The following DLG2 variants were observed in gnomAD, a reference collection of about 807,000 sequenced individuals.
DLG2 encodes discs large MAGUK scaffold protein 2.
A neutral mutation model predicts 132.5 loss-of-function variants in DLG2; 45 were observed. The observed-to-expected ratio is 0.34, with a 90% CI of 0.27 to 0.44. DLG2 has a LOEUF of 0.44. DLG2 is among the 20% of genes least tolerant of loss of function. DLG2 has a pLI of 1.00. For missense variants in DLG2, 1,045 were observed against 1,196.9 expected, an observed-to-expected ratio of 0.87 and a Z score of 1.87; for synonymous variants, 424 against 419.6, an observed-to-expected ratio of 1.01 and a Z score of -0.13.
At chr11:84,079,425 A>G (rs1208838553) in intron 10 of DLG2, among the ~76,000 whole-genome samples, 3 of 152,046 alleles carry the variant, frequency 2.0e-5, no homozygotes, top group Non-Finnish European at 4.4e-5. Context: ...CTGGGATTAT[A>G]GGCACCTGCT....
chr11:84,675,965 G>T (rs1220610271), intron 6 of DLG2, among the ~76,000 whole-genome samples: 2 of 151,994 alleles, frequency 1.3e-5, no homozygotes, highest in Admixed American at 6.6e-5. Flanking sequence ...CCTTGAGTGG[G>T]TTTTTTCTCT....
chr11:84,105,215 T>C (rs535973055), intron 9 of DLG2, among the ~76,000 whole-genome samples: 43 of 152,308 alleles, frequency 2.8e-4, no homozygotes, highest in African/African-American at 9.9e-4. Flanking sequence ...AAAACATTTC[T>C]AATAAAGTGA....
At chr11:85,485,370 C>T (rs1423762098) in intron 3 of DLG2, among the ~76,000 whole-genome samples, 1 of 149,544 alleles carries the variant, frequency 6.7e-6, no homozygotes, top group Non-Finnish European at 1.5e-5. Context: ...AATAAATAAA[C>T]AAATAGAAAA....
rs562251062 is a variant in DLG2, at chr11:84,134,906, A to G, written c.624+28555T>C. Among the ~76,000 whole-genome samples the G allele has an allele frequency of 4.6e-5, 7 of 152,158 alleles. No individual in the cohort carries two copies. In the East Asian group the frequency reaches 1.4e-3, roughly 29 times the overall value. On this transcript the variant is annotated intron_variant, in intron 9 of 27. Transcript: ENST00000376104. ...AGTCATTACAGCACCCACCCAGACT[A>G]GCCAAGGGGTGAAGGGCAATGATCA...
intron 3 of DLG2, among the ~76,000 whole-genome samples, chr11:85,354,778 C>T (rs576428060): frequency 6.6e-6 from 1 of 152,060 alleles, no homozygotes; most frequent in South Asian, 2.1e-4. Context: ...CGCATGTGCA[C>T]ACTTACCCAT....
chr11:84,346,686 T>C (rs2098540763), intron 7 of DLG2, among the ~76,000 whole-genome samples: 1 of 152,204 alleles, frequency 6.6e-6, no homozygotes, highest in East Asian at 1.9e-4. Context: ...CAAGCAATTC[T>C]CCTGCCTCAG....
At chr11:83,620,818 C>T (rs1189066342) in intron 19 of DLG2, among the ~76,000 whole-genome samples, 1 of 127,500 alleles carries the variant, frequency 7.8e-6, no homozygotes, top group South Asian at 2.4e-4. Context: ...TGCAGTGAGC[C>T]GAGATCCCGC....
At chr11:85,317,696 G>A (rs1462116005) in intron 3 of DLG2, among the ~76,000 whole-genome samples, 1 of 151,836 alleles carries the variant, frequency 6.6e-6, no homozygotes, top group East Asian at 1.9e-4. Context: ...TACAGTATAG[G>A]TGCTCAATGA....
rs114868283 is a variant in DLG2, at chr11:84,940,662, T to C, written c.357+170999A>G. On this transcript the variant is annotated intron_variant, in intron 6 of 27. Coordinates refer to ENST00000376104, the MANE Select transcript of DLG2 (RefSeq NM_001142699.3). ...TCAAATGGGTAGTTTGCAAACATTT[T>C]ATCCCATTCTGTGGGTTTTCTCTTC... is the stretch of plus-strand genomic sequence containing the variant. Among the ~76,000 whole-genome samples the C allele has an allele frequency of 1.8e-3, 268 of 152,328 alleles. 1 individual carries two copies. The highest frequency in any genetic ancestry group is 6.2e-3 in the African/African-American group (257 of 41,572).
intron 17 of DLG2, among the ~76,000 whole-genome samples, chr11:83,829,918 C>T (rs2053982282): frequency 6.6e-6 from 1 of 152,002 alleles, no homozygotes; most frequent in Non-Finnish European, 1.5e-5. Context: ...TACGACAGGC[C>T]CCGGTGTGTG....
rs1336590969 is a variant in DLG2 at position 83,953,378 on chromosome 11, A to G, written c.1340+9507T>C. 5.9e-5 allele frequency among the ~76,000 whole-genome samples: 9 copies of G among 152,280 alleles called. No homozygotes were observed. The East Asian group carries it at 7.7e-4, about 13-fold the overall frequency. The stretch of plus-strand genomic sequence containing the variant: ...GATCAGCCCCTGGCATTAGATTCTC[A>G]AAGGAGCGAACCCTACTGTGAACTG... On this transcript the variant is annotated intron_variant, in intron 14 of 27. Coordinates refer to ENST00000376104, the MANE Select transcript of DLG2 (RefSeq NM_001142699.3).
chr11:85,182,562 TTGTC>T (rs1011271867), intron 4 of DLG2, among the ~76,000 whole-genome samples: 12 of 151,678 alleles, frequency 7.9e-5, no homozygotes, highest in South Asian at 2.1e-4. Context: ...ACATAATTAT[TTGTC>T]TGTGTGTGTG....
At chr11:84,160,260 C>A (rs73517713) in intron 9 of DLG2, among the ~76,000 whole-genome samples, 11,298 of 151,910 alleles carry the variant, frequency 0.074, 608 homozygotes, top group African/African-American at 0.15. Flanking sequence ...AGAGGAGGAG[C>A]CAGCAAGGAG....
At chr11:84,399,590 A>AT (rs2098822611) in intron 7 of DLG2, among the ~76,000 whole-genome samples, 1 of 151,718 alleles carries the variant, frequency 6.6e-6, no homozygotes, top group African/African-American at 2.4e-5. Flanking sequence ...TAATTTTTGT[A>AT]TTTTTTAGTA....
chr11:83,791,258 A>G (rs2041485251), intron 17 of DLG2: 5 of 665,768 alleles, frequency 7.5e-6, no homozygotes, highest in Non-Finnish European at 1.3e-5. Context: ...GAGGAGGAGG[A>G]GAAGGTGTCC....
At chr11:83,868,695 C>T (rs530546284) in intron 16 of DLG2, among the ~76,000 whole-genome samples, 8 of 151,996 alleles carry the variant, frequency 5.3e-5, no homozygotes, top group South Asian at 2.1e-4. Context: ...CTCAGATTTT[C>T]GACCAGCGAC....
intron 6 of DLG2, among the ~76,000 whole-genome samples, chr11:84,918,811 A>G (rs1365644647): frequency 6.6e-6 from 1 of 152,120 alleles, no homozygotes; most frequent in Admixed American, 6.6e-5. Context: ...TCTCAAAATA[A>G]TTTAACCAGC....
intron 7 of DLG2, among the ~76,000 whole-genome samples, chr11:84,459,511 G>A (rs11234036): frequency 0.19 from 27,807 of 150,276 alleles, 7,386 homozygotes; most frequent in African/African-American, 0.59. Flanking sequence ...GTACATAATA[G>A]GTTGTTTCTG....
At chr11:84,091,309 T>G (rs183223727) in intron 10 of DLG2, among the ~76,000 whole-genome samples, 1 of 152,312 alleles carries the variant, frequency 6.6e-6, no homozygotes, top group East Asian at 1.9e-4. Flanking sequence ...CCCTGCAGTT[T>G]CTGGCTGTCT....
Sources: allele counts gnomAD v4.1 joint callset (sites outside exome capture counted in the v4.1 genomes callset), GRCh38; gene constraint gnomAD v4.1.1; transcripts MANE v1.5; gene names NCBI Gene and HGNC (gene_info 2026-07-23, HGNC 2026-07-21).